Variants in PPM1H observed in about 807,000 individuals in gnomAD.
PPM1H encodes protein phosphatase 1H.
In PPM1H, 27 loss-of-function variants were observed where a neutral mutation model predicts 54.9. The observed-to-expected ratio is 0.49, with a 90% confidence interval of 0.36 to 0.68. The LOEUF is 0.68. PPM1H is among the 30% of genes least tolerant of loss of function. The pLI is 0.00. For synonymous variants in PPM1H, 305 were observed against 270.8 expected (o/e 1.13, Z -1.24); for missense variants, 596 against 667.8 (o/e 0.89, Z 1.19).
chr12:62,802,725 G>A (rs927168499), intron 2 of PPM1H, among the ~76,000 whole-genome samples: 1 of 152,002 alleles, frequency 6.6e-6, no homozygotes, highest in Non-Finnish European at 1.5e-5. Context: ...GACTACAGGC[G>A]CGTGCCACCA....
At chr12:62,750,907 G>T (rs990362867) in intron 4 of PPM1H, among the ~76,000 whole-genome samples, 4 of 152,168 alleles carry the variant, frequency 2.6e-5, no homozygotes, top group Non-Finnish European at 5.9e-5. Context: ...CTGCATCAGA[G>T]GATATGTATT....
At chr12:62,808,181 G>A (rs148935463) in intron 2 of PPM1H, among the ~76,000 whole-genome samples, 9 of 152,254 alleles carry the variant, frequency 5.9e-5, no homozygotes, top group African/African-American at 1.9e-4. Flanking sequence ...TACTCTAAAT[G>A]CTTTACAAAT....
At chr12:62,830,887 ACTGTCGC>A (rs1291220653) in intron 2 of PPM1H, among the ~76,000 whole-genome samples, 2 of 152,010 alleles carry the variant, frequency 1.3e-5, no homozygotes, top group Non-Finnish European at 2.9e-5. Context: ...TGGAGTCTGC[ACTGTCGC>A]CCAGGCTGGA....
chr12:62,655,775 C>G (rs2075840857), intron 9 of PPM1H, among the ~76,000 whole-genome samples: 1 of 152,150 alleles, frequency 6.6e-6, no homozygotes, highest in Non-Finnish European at 1.5e-5. Context: ...GAATGCTGGG[C>G]CAGGCTGCAT....
intron 8 of PPM1H, among the ~76,000 whole-genome samples, chr12:62,673,631 A>G (rs1321595904): frequency 6.6e-6 from 1 of 151,008 alleles, no homozygotes; most frequent in African/African-American, 2.4e-5. Context: ...GCTTTGTGGA[A>G]GAGAAAGAGG....
At chr12:62,690,397 C>T (rs920539799) in intron 7 of PPM1H, among the ~76,000 whole-genome samples, 27 of 152,120 alleles carry the variant, frequency 1.8e-4, no homozygotes, top group African/African-American at 5.8e-4. Context: ...ACTCTATAAC[C>T]TATCCTGCTA....
intron 4 of PPM1H, among the ~76,000 whole-genome samples, chr12:62,773,014 GGC>G (rs761440177): frequency 5.4e-4 from 82 of 152,268 alleles, no homozygotes; most frequent in Admixed American, 1.4e-3. Context: ...TGGGCATGGT[GGC>G]GCGCGCTTGT....
At chr12:62,768,078 T>C (rs184483820) in intron 4 of PPM1H, among the ~76,000 whole-genome samples, 2 of 152,252 alleles carry the variant, frequency 1.3e-5, no homozygotes, top group African/African-American at 4.8e-5. Context: ...TGAGGGAACA[T>C]AACAGTTCAA....
intron 5 of PPM1H, 52 bp from the exon 6 acceptor site, chr12:62,720,341 A>G (rs1199754497): frequency 2.3e-5 from 31 of 1,359,202 alleles, no homozygotes; most frequent in Non-Finnish European, 3.2e-5. Context: ...ATTTAGAGAA[A>G]CAAAATAAGA....
At chr12:62,738,557 G>C (rs901170694) in intron 4 of PPM1H, among the ~76,000 whole-genome samples, 5 of 152,198 alleles carry the variant, frequency 3.3e-5, no homozygotes, top group African/African-American at 4.8e-5. Flanking sequence ...GGTGCCTCCT[G>C]TTCCCAGACC....
At chr12:62,787,496 C>T (rs886918394) in intron 4 of PPM1H, among the ~76,000 whole-genome samples, 2 of 152,162 alleles carry the variant, frequency 1.3e-5, no homozygotes, top group Admixed American at 6.5e-5. Flanking sequence ...AAATTCCCCA[C>T]ACCAAAAGTG....
At chr12:62,793,338 G>A (rs1004848589) in intron 3 of PPM1H, among the ~76,000 whole-genome samples, 1 of 152,092 alleles carries the variant, frequency 6.6e-6, no homozygotes, top group Non-Finnish European at 1.5e-5. Context: ...CAACATTTAA[G>A]CGAGGTTAAT....
At chr12:62,812,426 G>A (rs2076841382) in intron 2 of PPM1H, among the ~76,000 whole-genome samples, 2 of 152,138 alleles carry the variant, frequency 1.3e-5, no homozygotes, top group South Asian at 4.1e-4. Context: ...AAGAAAAACA[G>A]TATCAAGCCC....
chr12:62,841,144 G>A (rs897164515), intron 1 of PPM1H, among the ~76,000 whole-genome samples: 7 of 152,132 alleles, frequency 4.6e-5, no homozygotes, highest in Admixed American at 2.0e-4. Flanking sequence ...AGTCTTGGTG[G>A]TGGGGAGTTC....
chr12:62,766,062 C>A (rs1354617922), intron 4 of PPM1H, among the ~76,000 whole-genome samples: 1 of 152,098 alleles, frequency 6.6e-6, no homozygotes, highest in Non-Finnish European at 1.5e-5. Context: ...AGTGGCCAGC[C>A]GTGTAAGGGG....
chr12:62,806,965 G>A (rs143418981), intron 2 of PPM1H, among the ~76,000 whole-genome samples: 1 of 152,164 alleles, frequency 6.6e-6, no homozygotes, highest in Non-Finnish European at 1.5e-5. Context: ...ATTGGAGAAG[G>A]CTTCCTGAGG....
chr12:62,728,509 A>G lies in PPM1H; in HGVS notation c.955-8220T>C, dbSNP rs140236125. On this transcript the variant is annotated intron_variant, in intron 5 of 9. Transcript: ENST00000228705. ...GGAAAAATACAACAACTCCATCCCA[A>G]AGAAAGTCTCTGAGTACCCTGAAGA... 3.3e-3 allele frequency among the ~76,000 whole-genome samples: 498 copies of G among 152,298 alleles called. 2 individuals carry two copies. Among genetic ancestry groups the G allele is most frequent in the African/African-American group, 0.012 (479 of 41,568 alleles).
chr12:62,671,492 C>T (rs576897460), intron 8 of PPM1H, among the ~76,000 whole-genome samples: 11 of 152,330 alleles, frequency 7.2e-5, no homozygotes, highest in African/African-American at 1.4e-4. Context: ...TGTGCCAACT[C>T]GTTTTCCAGG....
At chr12:62,705,368 T>C (rs936364459) in intron 6 of PPM1H, among the ~76,000 whole-genome samples, 3 of 152,170 alleles carry the variant, frequency 2.0e-5, no homozygotes, top group Admixed American at 1.3e-4. Flanking sequence ...TTGGATTCAT[T>C]TGCAAGTATT....
Sources: allele counts gnomAD v4.1 joint callset (sites outside exome capture counted in the v4.1 genomes callset), GRCh38; gene constraint gnomAD v4.1.1; transcripts MANE v1.5; gene names NCBI Gene and HGNC (gene_info 2026-07-23, HGNC 2026-07-21).